Variants in TRIM44 observed in about 807,000 individuals in gnomAD.
The protein encoded by TRIM44 is tripartite motif containing 44, also known as tripartite motif-containing protein 44.
A neutral mutation model predicts 37.4 loss-of-function variants in TRIM44; 13 were observed. The ratio of observed to expected loss-of-function variants is 0.35; its 90% CI spans 0.23 to 0.55. The LOEUF is 0.55. Ranked by LOEUF, TRIM44 falls within the 20% of genes least tolerant of loss-of-function variation. The probability of loss-of-function intolerance (pLI) is 0.89; values close to 1 mark genes in which losing one functional copy is unlikely to be tolerated. For synonymous variants in TRIM44, 175 were observed against 157.2 expected, an observed-to-expected ratio of 1.11 and a Z score of -0.85; for missense variants, 426 against 437.2, an observed-to-expected ratio of 0.97 and a Z score of 0.23.
At chr11:35,785,122 A>G (rs1001520276) in intron 4 of TRIM44, among the ~76,000 whole-genome samples, 1 of 152,258 alleles carries the variant, frequency 6.6e-6, no homozygotes, top group African/African-American at 2.4e-5. Flanking sequence ...AGAACCAAGT[A>G]TACTGCTTGA....
At chr11:35,749,952 T>G (rs1310372036) in intron 4 of TRIM44, among the ~76,000 whole-genome samples, 1 of 152,166 alleles carries the variant, frequency 6.6e-6, no homozygotes, top group Admixed American at 6.5e-5. Flanking sequence ...TTTATTAGAT[T>G]AATACAGGGT....
At chr11:35,676,750 AGT>A (rs201396146) in intron 1 of TRIM44, among the ~76,000 whole-genome samples, 9 of 152,088 alleles carry the variant, frequency 5.9e-5, no homozygotes, top group Non-Finnish European at 1.0e-4. Context: ...GTGAATTTTG[AGT>A]GTGTGTGAAC....
At chr11:35,774,018 C>A (rs552889210) in intron 4 of TRIM44, among the ~76,000 whole-genome samples, 69 of 152,320 alleles carry the variant, frequency 4.5e-4, no homozygotes, top group African/African-American at 1.6e-3. Flanking sequence ...AATGGTATTT[C>A]TAGTTCTAAA....
At chr11:35,680,602 T>A (rs1330454196) in intron 1 of TRIM44, among the ~76,000 whole-genome samples, 1 of 152,156 alleles carries the variant, frequency 6.6e-6, no homozygotes, top group Non-Finnish European at 1.5e-5. Context: ...GTTTACAGAT[T>A]TTTAGTATTA....
chr11:35,736,639 G>GA (rs1257551107), intron 4 of TRIM44, among the ~76,000 whole-genome samples: 1 of 152,044 alleles, frequency 6.6e-6, no homozygotes, highest in African/African-American at 2.4e-5. Context: ...TCTTCCCTTG[G>GA]AAACTATAGT....
At chr11:35,738,500 CAGAA>C (rs2135522552) in intron 4 of TRIM44, among the ~76,000 whole-genome samples, 1 of 152,236 alleles carries the variant, frequency 6.6e-6, no homozygotes, top group African/African-American at 2.4e-5. Flanking sequence ...TCTGATTTGT[CAGAA>C]AGGAGGAGGA....
chr11:35,801,444 G>T (rs550115446), intron 4 of TRIM44, among the ~76,000 whole-genome samples: 6 of 152,200 alleles, frequency 3.9e-5, no homozygotes, highest in African/African-American at 1.4e-4. Flanking sequence ...TATATGCTTA[G>T]GAAAAGAAAC....
chr11:35,778,936 C>CA (rs1393255794), intron 4 of TRIM44, among the ~76,000 whole-genome samples: 1 of 152,222 alleles, frequency 6.6e-6, no homozygotes, highest in African/African-American at 2.4e-5. Flanking sequence ...TCTCAGATCT[C>CA]AAACGCCGTT....
intron 4 of TRIM44, among the ~76,000 whole-genome samples, chr11:35,757,749 G>A (rs767881849): frequency 7.9e-5 from 12 of 152,152 alleles, no homozygotes; most frequent in East Asian, 1.9e-4. Context: ...CTTTCATTTC[G>A]TTATGTACCC....
intron 2 of TRIM44, among the ~76,000 whole-genome samples, chr11:35,701,290 C>T (rs1356794981): frequency 1.3e-5 from 2 of 151,946 alleles, no homozygotes; most frequent in Non-Finnish European, 2.9e-5. Flanking sequence ...GGGTCTTTTG[C>T]GCAGCCTGTT....
rs1478833664 is a variant in TRIM44 at position 35,813,656 on chromosome 11, A to G, written c.*7271A>G. ...TCTCAATCTTTAAGAGCCTCACTGT[A>G]TCATGGGACAATATTCTATTTAAAA... On this transcript the variant is annotated 3_prime_UTR_variant, in exon 5 of 5. Coordinates refer to ENST00000299413, the MANE Select transcript of TRIM44 (RefSeq NM_017583.6). 1 of 152,230 alleles carries G rather than the reference A, an allele frequency of 6.6e-6. No homozygotes were observed. Among genetic ancestry groups the G allele is most frequent in the African/African-American group, 2.4e-5 (1 of 41,460 alleles). 9.4% of individuals were successfully genotyped at this position (152,230 alleles called of 1,614,324 possible). A position where few individuals can be genotyped will look rare whatever the true frequency, so the allele number is the denominator to read the frequency against.
At chr11:35,670,850 A>G (rs945012544) in intron 1 of TRIM44, among the ~76,000 whole-genome samples, 2 of 152,234 alleles carry the variant, frequency 1.3e-5, no homozygotes, top group African/African-American at 2.4e-5. Context: ...CTCCTCAGAA[A>G]GAGCATGACA....
rs1481361869 is a variant in TRIM44, at chr11:35,705,662, A to G, written c.748-20262A>G. On this transcript the variant is annotated intron_variant, in intron 2 of 4. Transcript: ENST00000299413. The stretch of plus-strand genomic sequence containing the variant: ...CTGAACAACCTGCTCCTGAATGACT[A>G]CTGGGTACATAACAAAATGAAGGCA... Among the ~76,000 whole-genome samples the G allele has an allele frequency of 2.1e-3, 310 of 149,116 alleles. 6 individuals are homozygous for G. Among genetic ancestry groups the G allele is most frequent in the African/African-American group, 7.2e-3 (299 of 41,320 alleles).
At chr11:35,791,209 T>C (rs1853205532) in intron 4 of TRIM44, among the ~76,000 whole-genome samples, 1 of 151,680 alleles carries the variant, frequency 6.6e-6, no homozygotes, top group African/African-American at 2.4e-5. Flanking sequence ...CCAAGCTGAG[T>C]TGTAGATCTG....
chr11:35,781,743 A>G (rs1853067980), intron 4 of TRIM44, among the ~76,000 whole-genome samples: 1 of 152,244 alleles, frequency 6.6e-6, no homozygotes, highest in Non-Finnish European at 1.5e-5. Flanking sequence ...GTGGCATAGA[A>G]TAATTGAGAG....
intron 4 of TRIM44, among the ~76,000 whole-genome samples, chr11:35,764,186 T>G (rs568933461): frequency 4.6e-5 from 7 of 152,204 alleles, no homozygotes; most frequent in African/African-American, 7.2e-5. Flanking sequence ...GGTCCCTCTT[T>G]GTTGTACAGA....
chr11:35,676,460 G>A (rs1223335947), intron 1 of TRIM44, among the ~76,000 whole-genome samples: 1 of 152,142 alleles, frequency 6.6e-6, no homozygotes, highest in East Asian at 1.9e-4. Flanking sequence ...TGGAGAAGAG[G>A]CTTCTGTATA....
In TRIM44 at chr11:35,700,805, T is replaced by G. The variant is rs561591181; in HGVS notation, c.747+15469T>G. Among the ~76,000 whole-genome samples, 114 of 152,306 alleles carry G rather than the reference T, an allele frequency of 7.5e-4. 2 individuals are homozygous for G. The highest frequency in any genetic ancestry group is 2.7e-3 in the African/African-American group (111 of 41,570). Reference sequence around the variant, plus strand: ...ATATAATGCTCCAAAGTAGGTAAATTGAAGAATTTTTAAAAGCAGTTTTAA... The same window carrying G: ...ATATAATGCTCCAAAGTAGGTAAATGGAAGAATTTTTAAAAGCAGTTTTAA... On this transcript the variant is annotated intron_variant, in intron 2 of 4. Coordinates refer to ENST00000299413, the MANE Select transcript of TRIM44 (RefSeq NM_017583.6).
chr11:35,675,137 C>T (rs1230577993), intron 1 of TRIM44, among the ~76,000 whole-genome samples: 1 of 152,024 alleles, frequency 6.6e-6, no homozygotes, highest in East Asian at 1.9e-4. Flanking sequence ...CTTTGTATTC[C>T]CAGCACCTAG....
Sources: gnomAD v4.1 joint callset for allele counts (sites outside exome capture counted in the v4.1 genomes callset) on GRCh38, gnomAD v4.1.1 for gene constraint, MANE v1.5 for transcripts, NCBI Gene and HGNC (gene_info 2026-07-23, HGNC 2026-07-21) for gene names.